The following FCAR variants were observed in gnomAD, a reference collection of about 807,000 sequenced individuals.
The protein encoded by FCAR is Fc alpha receptor.
In FCAR, 21 loss-of-function variants were observed where a neutral mutation model predicts 27.1. The observed-to-expected ratio is 0.77, with a 90% CI of 0.55 to 1.11. FCAR has a LOEUF of 1.11. Among genes scored for constraint, FCAR ranks in the 50% most tolerant of loss-of-function variants. The pLI is 0.00. For synonymous variants in FCAR, 134 were observed against 135.8 expected, an observed-to-expected ratio of 0.99 and a Z score of 0.09; for missense variants, 404 against 358.4, an observed-to-expected ratio of 1.13 and a Z score of -1.03.
In FCAR at chr19:54,885,265, A is replaced by C. The variant is rs61735068; in HGVS notation, c.101A>C (p.Lys34Thr). ...GDFPMPFISAKSSPVIPLDGS... is the reference protein window; with the variant it reads ...GDFPMPFISATSSPVIPLDGS... ...TTTCCCATGCCTTTCATATCTGCCA[A>C]ATCGAGTCCTGTGATTCCCTTGGAT... The change falls in exon 3 of 5, where the codon AAA becomes ACA. Residue 34 changes from lysine to threonine, a missense_variant. Transcript: ENST00000355524. The C allele has an allele frequency of 8.3e-4, 1,341 of 1,613,776 alleles. 7 individuals carry two copies. The African/African-American group carries it at 0.014, about 17-fold the overall frequency.
At position 54,885,157 on chromosome 19, in the gene FCAR, T is replaced by C. The variant is rs1444509428; in HGVS notation, c.71-78T>C. ...TAGGTTCTTCACACCCTAATGTATT[T>C]TTACTTCTCCCACAGAGAAGGAAAG... On this transcript the variant is annotated intron_variant, in intron 2 of 4. Transcript: ENST00000355524. 6 of 1,318,638 alleles carry C rather than the reference T, an allele frequency of 4.6e-6. No homozygotes were observed. The African/African-American group carries it at 5.9e-5, about 13-fold the overall frequency. The allele number at this position is 1,318,638 out of a possible 1,614,324, so 81.7% of individuals were successfully genotyped here. A position where few individuals can be genotyped will look rare whatever the true frequency, so the allele number is the denominator to read the frequency against.
chr19:54,884,684 G>C (rs979985541), intron 2 of FCAR, among the ~76,000 whole-genome samples: 3 of 150,286 alleles, frequency 2.0e-5, no homozygotes, highest in Non-Finnish European at 4.4e-5. Flanking sequence ...CTACTAGATG[G>C]GGGGGAAGAA....
At position 54,889,983 on chromosome 19, in the gene FCAR, CAG is replaced by C. The variant is rs1357229672; in HGVS notation, c.*123_*124del. 18 of 703,772 alleles carry C rather than the reference CAG, an allele frequency of 2.6e-5. No individual in the cohort carries two copies. The highest frequency in any genetic ancestry group is 4.3e-5 in the Non-Finnish European group (18 of 421,576). 43.6% of individuals were successfully genotyped at this position (703,772 alleles called of 1,614,324 possible). A position where few individuals can be genotyped will look rare whatever the true frequency, so the allele number is the denominator to read the frequency against. On this transcript the variant is annotated 3_prime_UTR_variant, in exon 5 of 5. Transcript: ENST00000355524. The stretch of plus-strand genomic sequence containing the variant: ...AATCTACTTTTTTTTTTTTTTGAGA[CAG>C]AGTCTGGCTCTGTCACCCAGGCTGG...
rs587649859 is a variant in FCAR, at chr19:54,886,220, G to T, written c.361+695G>T. 8.7e-5 allele frequency among the ~76,000 whole-genome samples: 13 copies of T among 149,864 alleles called. 1 individual carries two copies. In the South Asian group the frequency reaches 2.8e-3, roughly 32 times the overall value. ...CCAAGATCACACCACTGCACTCCAG[G>T]CTGGGCGACAGGGCGAGACTCCATC... is the stretch of plus-strand genomic sequence containing the variant. On this transcript the variant is annotated intron_variant, in intron 3 of 4. Coordinates refer to ENST00000355524, the MANE Select transcript of FCAR (RefSeq NM_002000.4).
intron 3 of FCAR, among the ~76,000 whole-genome samples, chr19:54,886,274 C>T (rs2066717136): frequency 7.0e-6 from 1 of 143,614 alleles, no homozygotes; most frequent in Admixed American, 7.0e-5. Context: ...AAAGATTTCA[C>T]ATTGCATTCA....
At position 54,881,930 on chromosome 19, in the gene FCAR, AATTG is replaced by A. The variant is rs1443337410; in HGVS notation, c.71-3303_71-3300del. On this transcript the variant is annotated intron_variant, in intron 2 of 4. Coordinates refer to ENST00000355524, the MANE Select transcript of FCAR (RefSeq NM_002000.4). ...AAATAAATAAATAAATAAATAAATAAATTGAAGCATGAATGAAGGCCCCAGGCTC... is the reference window on the plus strand; with the variant it reads ...AAATAAATAAATAAATAAATAAATAAAAGCATGAATGAAGGCCCCAGGCTC... 6.7e-4 allele frequency among the ~76,000 whole-genome samples: 5 copies of A among 7,446 alleles called. No homozygotes were observed. In the African/African-American group the frequency reaches 9.7e-3, roughly 14 times the overall value. The allele number at this position is 7,446 out of a possible 152,430, so 4.9% of individuals were successfully genotyped here. A position where few individuals can be genotyped will look rare whatever the true frequency, so the allele number is the denominator to read the frequency against.
rs756709589 is a variant in FCAR at position 54,888,206 on chromosome 19, C to G, written c.561C>G (p.Val187=). 2 of 1,614,034 alleles carry G rather than the reference C, an allele frequency of 1.2e-6. No individual in the cohort carries two copies. The highest frequency in any genetic ancestry group is 2.7e-5 in the African/African-American group (2 of 74,922). Residue 187 remains valine, a synonymous_variant, in exon 4 of 5, where the codon GTC becomes GTG. Coordinates refer to ENST00000355524, the MANE Select transcript of FCAR (RefSeq NM_002000.4). Reference sequence around the variant, plus strand: ...CTTTGGGTCCTGTGGACCTCAATGTCTCAGGGATCTACAGGTGCTACGGTT... The same window carrying G: ...CTTTGGGTCCTGTGGACCTCAATGTGTCAGGGATCTACAGGTGCTACGGTT... ...NFSLGPVDLN[V]SGIYRCYGWY...
intron 3 of FCAR, 109 bp downstream of exon 3, chr19:54,885,634 C>A: frequency 1.2e-6 from 1 of 807,428 alleles, no homozygotes; most frequent in Non-Finnish European, 1.9e-6. Flanking sequence ...TTGATGATTG[C>A]TTCAGAGAGT....
intron 3 of FCAR, among the ~76,000 whole-genome samples, chr19:54,886,786 C>T (rs941742744): frequency 6.6e-6 from 1 of 152,152 alleles, no homozygotes; most frequent in Non-Finnish European, 1.5e-5. Context: ...GGTAGTGGTC[C>T]ATTATTTTCA....
intron 4 of FCAR, among the ~76,000 whole-genome samples, 162 bp from the exon 5 acceptor site, chr19:54,889,487 A>G (rs908344167): frequency 2.0e-5 from 3 of 151,734 alleles, no homozygotes; most frequent in African/African-American, 4.8e-5. Context: ...TTGCTGACTG[A>G]TCAGTGTGGT....
intron 2 of FCAR, among the ~76,000 whole-genome samples, chr19:54,877,999 T>C (rs1437691252): frequency 6.7e-6 from 1 of 149,552 alleles, no homozygotes; most frequent in Non-Finnish European, 1.5e-5. Context: ...CACTGCAAGC[T>C]CCGCCTCCCA....
intron 4 of FCAR, among the ~76,000 whole-genome samples, chr19:54,889,391 A>C (rs200205828): frequency 3.9e-4 from 48 of 124,344 alleles, no homozygotes; most frequent in South Asian, 2.5e-3. Flanking sequence ...AAAAAAAAAA[A>C]ACACACACAA....
At chr19:54,888,945 G>A in intron 4 of FCAR, 4 of 980,316 alleles carry the variant, frequency 4.1e-6, no homozygotes, top group Middle Eastern at 5.2e-4. Flanking sequence ...GCGTGAGCCT[G>A]TCGTCCCAGC....
In FCAR at chr19:54,889,927, C is replaced by T; in HGVS notation, c.*64C>T. The stretch of plus-strand genomic sequence containing the variant: ...GAGTCCGACAAAGCTACTTGAAGGA[C>T]ACAAGAGAGAAAAGCTCACTAAGAA... On this transcript the variant is annotated 3_prime_UTR_variant, in exon 5 of 5. Coordinates refer to ENST00000355524, the MANE Select transcript of FCAR (RefSeq NM_002000.4). 1 of 1,174,890 alleles carries T rather than the reference C, an allele frequency of 8.5e-7. No individual in the cohort carries two copies. Among genetic ancestry groups the T allele is most frequent in the Non-Finnish European group, 1.2e-6 (1 of 811,338 alleles). 72.8% of individuals were successfully genotyped at this position (1,174,890 alleles called of 1,614,324 possible). A position where few individuals can be genotyped will look rare whatever the true frequency, so the allele number is the denominator to read the frequency against.
Position 54,889,797 on chromosome 19 carries a change from G to C in FCAR, c.798G>C (p.Pro266=). 1.2e-6 allele frequency: 2 copies of C among 1,612,832 alleles called. No homozygotes were observed. The highest frequency in any genetic ancestry group is 8.5e-7 in the Non-Finnish European group (1 of 1,180,022). Residue 266 remains proline (P), a synonymous_variant, in exon 5 of 5, where the codon CCG becomes CCC. Transcript: ENST00000355524. ...AAGCCTCGGCAGATGTGGCTGAACC[G>C]AGCTGGAGCCAACAGATGTGTCAGC... ...NKEASADVAE[P]SWSQQMCQPG...
chr19:54,885,155 T>C, intron 2 of FCAR, 80 bp from the exon 3 acceptor site: 1 of 1,290,090 alleles, frequency 7.8e-7, no homozygotes, highest in Non-Finnish European at 1.1e-6. Context: ...CCCTAATGTA[T>C]TTTTACTTCT....
rs1013325622 is a variant in FCAR, at chr19:54,885,227, T to C, written c.71-8T>C. On this transcript the variant is annotated splice_region_variant and splice_polypyrimidine_tract_variant and intron_variant, in intron 2 of 4. Coordinates refer to ENST00000355524, the MANE Select transcript of FCAR (RefSeq NM_002000.4). ...AGCCACCTCAGTCTGGGCTTTCTTT[T>C]CTTCCAGGGGACTTTCCCATGCCTT... 1 of 1,608,390 alleles carries C rather than the reference T, an allele frequency of 6.2e-7. No homozygotes were observed. Among genetic ancestry groups the C allele is most frequent in the African/African-American group, 1.3e-5 (1 of 74,578 alleles).
intron 2 of FCAR, among the ~76,000 whole-genome samples, chr19:54,882,959 C>G (rs1435633134): frequency 6.6e-6 from 1 of 151,980 alleles, no homozygotes; most frequent in African/African-American, 2.4e-5. Flanking sequence ...AAAGGGTTGG[C>G]CAGCATACAG....
chr19:54,883,018 G>T lies in FCAR; in HGVS notation c.71-2217G>T, dbSNP rs587624594. ...GTAGTTTTGTTTCGTTTTTTGTTTC[G>T]TTTTTTGACACAGGGTCTTGTTCTG... is the stretch of plus-strand genomic sequence containing the variant. On this transcript the variant is annotated intron_variant, in intron 2 of 4. Coordinates refer to ENST00000355524, the MANE Select transcript of FCAR (RefSeq NM_002000.4). Among the ~76,000 whole-genome samples the T allele has an allele frequency of 7.3e-5, 11 of 151,426 alleles. No homozygotes were observed. In the East Asian group the frequency reaches 2.2e-3, roughly 30 times the overall value.
Sources: gnomAD v4.1 joint callset for allele counts (sites outside exome capture counted in the v4.1 genomes callset) on GRCh38, gnomAD v4.1.1 for gene constraint, MANE v1.5 for transcripts, NCBI Gene and HGNC (gene_info 2026-07-23, HGNC 2026-07-21) for gene names.